The following EYS variants were observed in gnomAD, a reference collection of about 807,000 sequenced individuals.
The protein encoded by EYS is EGF-like photoreceptor maintenance factor, also known as protein eyes shut homolog.
A neutral mutation model predicts 282.1 loss-of-function variants in EYS; 250 were observed. The observed-to-expected ratio is 0.89, with a 90% CI of 0.80 to 0.98. The LOEUF (loss-of-function observed/expected upper bound fraction) is 0.98, where lower values mean the gene tolerates loss of function less well. Ranked by LOEUF, EYS falls within the 50% of genes least tolerant of loss-of-function variation. The pLI is 0.00. For missense variants in EYS, 4,016 were observed against 3,709.0 expected (o/e 1.08, Z -2.15); for synonymous variants, 1,355 against 1,282.9 (o/e 1.06, Z -1.20).
At chr6:65,612,766 T>C (rs961806315) in intron 2 of EYS, among the ~76,000 whole-genome samples, 1 of 125,846 alleles carries the variant, frequency 7.9e-6, no homozygotes, top group African/African-American at 2.4e-5. Flanking sequence ...TTATTTATTA[T>C]AACTTAAAAA....
intron 2 of EYS, among the ~76,000 whole-genome samples, chr6:65,553,874 A>C (rs1318688993): frequency 1.3e-5 from 2 of 152,116 alleles, no homozygotes; most frequent in African/African-American, 4.8e-5. Context: ...CAAAATATAT[A>C]AAATATTTAA....
chr6:64,894,081 C>T (rs919953212), intron 18 of EYS, among the ~76,000 whole-genome samples: 1 of 152,042 alleles, frequency 6.6e-6, no homozygotes, highest in African/African-American at 2.4e-5. Context: ...TTCAGTCAAT[C>T]ATACATTTTA....
chr6:65,303,640 T>TG lies in EYS; in HGVS notation c.1767-7522dup, dbSNP rs1232519099. 6.7e-6 allele frequency: 4 copies of TG among 592,930 alleles called. No homozygotes were observed. In the East Asian group the frequency reaches 1.2e-4, roughly 17 times the overall value. The allele number at this position is 592,930 out of a possible 1,614,324, so 36.7% of individuals were successfully genotyped here. A position where few individuals can be genotyped will look rare whatever the true frequency, so the allele number is the denominator to read the frequency against. On this transcript the variant is annotated intron_variant, in intron 11 of 42. Coordinates refer to ENST00000503581, the MANE Select transcript of EYS (RefSeq NM_001142800.2). ...TTCTTGAAAGAGCCAGTCAGAAACA[T>TG]GGGGAATCGCAAACTAAACTCAAGA...
chr6:64,679,189 T>C (rs899532811), intron 22 of EYS, among the ~76,000 whole-genome samples: 2 of 32,402 alleles, frequency 6.2e-5, no homozygotes, highest in Non-Finnish European at 1.6e-4. Context: ...TTTATCGTTC[T>C]GATGGTTCTT....
At chr6:64,192,105 T>C (rs1397759391) in intron 31 of EYS, among the ~76,000 whole-genome samples, 3 of 144,160 alleles carry the variant, frequency 2.1e-5, no homozygotes, top group Non-Finnish European at 4.6e-5. Flanking sequence ...TTTCATGTGT[T>C]TTTTGGTTGC....
At chr6:64,096,637 T>C (rs1471095315) in intron 31 of EYS, among the ~76,000 whole-genome samples, 1 of 152,246 alleles carries the variant, frequency 6.6e-6, no homozygotes, top group African/African-American at 2.4e-5. Flanking sequence ...TTGGTTATTC[T>C]AGTTAGCCAT....
intron 13 of EYS, among the ~76,000 whole-genome samples, chr6:65,051,437 AT>A (rs1561941213): frequency 6.6e-6 from 1 of 151,578 alleles, no homozygotes; most frequent in Non-Finnish European, 1.5e-5. Flanking sequence ...AAATTGACAA[AT>A]TAAAAATGTA....
intron 37 of EYS, among the ~76,000 whole-genome samples, chr6:63,799,459 GAATC>G (rs1562031952): frequency 6.6e-6 from 1 of 151,824 alleles, no homozygotes; most frequent in East Asian, 1.9e-4. Flanking sequence ...ACTACAATCC[GAATC>G]AATCAATGCC....
At chr6:64,334,437 T>G (rs1216925571) in intron 29 of EYS, among the ~76,000 whole-genome samples, 1 of 151,990 alleles carries the variant, frequency 6.6e-6, no homozygotes, top group Non-Finnish European at 1.5e-5. Flanking sequence ...AAAAAATAAA[T>G]ACTAACATTA....
At chr6:65,289,101 G>A (rs1768450887) in intron 12 of EYS, among the ~76,000 whole-genome samples, 1 of 150,850 alleles carries the variant, frequency 6.6e-6, no homozygotes, top group Non-Finnish European at 1.5e-5. Flanking sequence ...ATGAAAGTAG[G>A]TGAAGTCTCC....
intron 13 of EYS, among the ~76,000 whole-genome samples, chr6:64,999,467 G>C (rs962392122): frequency 1.3e-5 from 2 of 152,148 alleles, no homozygotes; most frequent in African/African-American, 4.8e-5. Context: ...GAAGGGGGAA[G>C]GGAAGTGCTG....
At chr6:63,854,729 AG>A (rs1433851245) in intron 36 of EYS, among the ~76,000 whole-genome samples, 5 of 152,242 alleles carry the variant, frequency 3.3e-5, no homozygotes, top group African/African-American at 1.2e-4. Context: ...AAGCAGTTTA[AG>A]CATAATTTAA....
At chr6:64,291,407 A>G in intron 30 of EYS, among the ~76,000 whole-genome samples, 1 of 152,182 alleles carries the variant, frequency 6.6e-6, no homozygotes, top group Middle Eastern at 3.4e-3. Context: ...AAGTAAAACA[A>G]CTATATTCAT....
intron 12 of EYS, among the ~76,000 whole-genome samples, chr6:65,245,810 TATC>T (rs959899535): frequency 5.3e-5 from 8 of 152,090 alleles, no homozygotes; most frequent in Admixed American, 4.6e-4. Context: ...TGTTTTGTGT[TATC>T]ATCTCAGTGA....
intron 26 of EYS, among the ~76,000 whole-genome samples, chr6:64,553,777 G>C (rs555336002): frequency 5.9e-5 from 9 of 152,024 alleles, no homozygotes; most frequent in African/African-American, 2.2e-4. Context: ...TAAAATTTCA[G>C]AAAAATGTAG....
At chr6:63,997,915 CT>C (rs1251666142) in intron 34 of EYS, among the ~76,000 whole-genome samples, 1 of 152,076 alleles carries the variant, frequency 6.6e-6, no homozygotes, top group Admixed American at 6.6e-5. Context: ...ATACTGAATG[CT>C]TTACATTTTT....
intron 31 of EYS, among the ~76,000 whole-genome samples, chr6:64,126,056 G>A (rs1773775915): frequency 6.6e-6 from 1 of 152,090 alleles, no homozygotes; most frequent in African/African-American, 2.4e-5. Flanking sequence ...TTACACTGTT[G>A]GTGGGACTGT....
Position 64,429,006 on chromosome 6 carries a change from G to A in EYS, c.5927+7168C>T, listed in dbSNP as rs1375733929. 4.0e-5 allele frequency among the ~76,000 whole-genome samples: 6 copies of A among 151,890 alleles called. No individual in the cohort carries two copies. The East Asian group carries it at 9.7e-4, about 25-fold the overall frequency. Reference sequence around the variant, plus strand: ...TTCTCAAAACTCTTGAGGTCCAGACGACTTATAGACTGACATCAGCTACAT... The same window carrying A: ...TTCTCAAAACTCTTGAGGTCCAGACAACTTATAGACTGACATCAGCTACAT... On this transcript the variant is annotated intron_variant, in intron 28 of 42. Coordinates refer to ENST00000503581, the MANE Select transcript of EYS (RefSeq NM_001142800.2).
intron 2 of EYS, among the ~76,000 whole-genome samples, chr6:65,629,382 A>G (rs1048233423): frequency 2.0e-5 from 3 of 152,194 alleles, no homozygotes; most frequent in Non-Finnish European, 4.4e-5. Context: ...TCAGGCTGCA[A>G]TTTGATTCAC....
Sources: gnomAD v4.1 joint callset for allele counts (sites outside exome capture counted in the v4.1 genomes callset) on GRCh38, gnomAD v4.1.1 for gene constraint, MANE v1.5 for transcripts, NCBI Gene and HGNC (gene_info 2026-07-23, HGNC 2026-07-21) for gene names.